Variants in MILR1 observed in about 807,000 individuals in gnomAD.
The protein encoded by MILR1 is mast cell immunoglobulin like receptor 1.
In MILR1, 31 loss-of-function variants were observed where a neutral mutation model predicts 18.5. The ratio of observed to expected loss-of-function variants is 1.68; its 90% CI spans 1.26 to 2.26. The LOEUF (loss-of-function observed/expected upper bound fraction) is 2.26, where lower values mean the gene tolerates loss of function less well. Among genes scored for constraint, MILR1 ranks in the 30% most tolerant of loss-of-function variants. The pLI is 0.00. For synonymous variants in MILR1, 85 were observed against 56.2 expected (o/e 1.51, Z -2.30); for missense variants, 257 against 157.4 (o/e 1.63, Z -3.38).
the MILR1 span, among the ~76,000 whole-genome samples, chr17:64,497,351 T>C: frequency 2.6e-5 from 4 of 152,276 alleles, no homozygotes; most frequent in African/African-American, 9.6e-5. Context: ...TTCAGTATTA[T>C]CCAAATCACC....
the MILR1 span, among the ~76,000 whole-genome samples, chr17:64,478,435 G>A: frequency 2.0e-5 from 3 of 152,118 alleles, no homozygotes; most frequent in Non-Finnish European, 4.4e-5. Flanking sequence ...CTAGCTTATA[G>A]CTTCTAGTTC....
chr17:64,496,411 A>T, the MILR1 span: 1 of 1,570,134 alleles, frequency 6.4e-7, no homozygotes, highest in East Asian at 2.3e-5. Context: ...GCATACCGTG[A>T]AGAAGGTTCT....
intron 4 of MILR1, among the ~76,000 whole-genome samples, 187 bp from the exon 5 acceptor site, chr17:64,460,635 C>G (rs2037410257): frequency 6.6e-6 from 1 of 152,146 alleles, no homozygotes; most frequent in African/African-American, 2.4e-5. Flanking sequence ...TGTGAGCCAC[C>G]ACGCCCAGTC....
chr17:64,483,138 A>G, the MILR1 span: 2 of 572,652 alleles, frequency 3.5e-6, no homozygotes, highest in Admixed American at 3.1e-5. Flanking sequence ...GTGAAAACAG[A>G]AGTTAGCTGA....
chr17:64,487,798 T>A, the MILR1 span, among the ~76,000 whole-genome samples: 1 of 152,080 alleles, frequency 6.6e-6, no homozygotes, highest in African/African-American at 2.4e-5. Context: ...GCCCAGGAGT[T>A]TGAGACTAGC....
chr17:64,482,274 T>G, the MILR1 span, among the ~76,000 whole-genome samples: 3 of 151,882 alleles, frequency 2.0e-5, no homozygotes, highest in Admixed American at 6.6e-5. Flanking sequence ...CGGCTAATTT[T>G]TGTATTTTCA....
At chr17:64,451,834 A>G (rs2037177245) in intron 2 of MILR1, among the ~76,000 whole-genome samples, 1 of 151,868 alleles carries the variant, frequency 6.6e-6, no homozygotes. Flanking sequence ...CAGGAGGCTG[A>G]GGCAGGAGGA....
chr17:64,483,439 G>A, the MILR1 span, among the ~76,000 whole-genome samples: 1 of 151,754 alleles, frequency 6.6e-6, no homozygotes, highest in Admixed American at 6.6e-5. Flanking sequence ...TGCTTGACCC[G>A]GGAGGTCAAG....
rs1158877915 is a variant in MILR1 at position 64,464,191 on chromosome 17, A to G, written c.764-1261A>G. The stretch of plus-strand genomic sequence containing the variant: ...AAGGCTGGAGTGCGGTGGTGCAATC[A>G]TGGCTCACTGCAGCCTTGACCTCCC... On this transcript the variant is annotated intron_variant, in intron 5 of 9. Coordinates refer to ENST00000619286, the MANE Select transcript of MILR1 (RefSeq NM_001085423.2). Among the ~76,000 whole-genome samples, 17 of 139,328 alleles carry G rather than the reference A, an allele frequency of 1.2e-4. No homozygotes were observed. In the South Asian group the frequency reaches 3.8e-3, roughly 31 times the overall value. The allele number at this position is 139,328 out of a possible 152,430, so 91.4% of individuals were successfully genotyped here.
the MILR1 span, among the ~76,000 whole-genome samples, chr17:64,476,406 G>T: frequency 6.6e-6 from 1 of 152,164 alleles, no homozygotes; most frequent in Non-Finnish European, 1.5e-5. Context: ...GAGGCCAGGT[G>T]AGGTGGTTCA....
intron 3 of MILR1, among the ~76,000 whole-genome samples, chr17:64,453,776 G>A (rs1445913799): frequency 6.6e-6 from 1 of 152,020 alleles, no homozygotes; most frequent in African/African-American, 2.4e-5. Flanking sequence ...CCTGTGGGAG[G>A]AGAGAAGGCT....
chr17:64,492,874 G>A, the MILR1 span: 1 of 1,613,666 alleles, frequency 6.2e-7, no homozygotes, highest in Non-Finnish European at 8.5e-7. Context: ...ACAAGGCCAA[G>A]TTATTTGCCA....
At chr17:64,482,602 G>A in the MILR1 span, among the ~76,000 whole-genome samples, 2 of 152,300 alleles carry the variant, frequency 1.3e-5, no homozygotes, top group East Asian at 1.9e-4. Flanking sequence ...ACAGGCGTGA[G>A]CCACCACGCC....
chr17:64,460,943 T>C lies in MILR1; in HGVS notation c.763+11T>C. Reference sequence around the variant, plus strand: ...CCAAATACAAAACAAGTAAGTTCTTTTAGTCGCTTTACCACCCGTTTTCCC... The same window carrying C: ...CCAAATACAAAACAAGTAAGTTCTTCTAGTCGCTTTACCACCCGTTTTCCC... On this transcript the variant is annotated intron_variant, in intron 5 of 9. Coordinates refer to ENST00000619286, the MANE Select transcript of MILR1 (RefSeq NM_001085423.2). 2.1e-6 allele frequency: 1 copy of C among 473,856 alleles called. No individual in the cohort carries two copies. Among genetic ancestry groups the C allele is most frequent in the Non-Finnish European group, 3.9e-6 (1 of 258,072 alleles). The allele number at this position is 473,856 out of a possible 1,614,324, so 29.4% of individuals were successfully genotyped here.
chr17:64,459,640 G>A (rs997885385), intron 4 of MILR1, among the ~76,000 whole-genome samples: 22 of 152,278 alleles, frequency 1.4e-4, no homozygotes, highest in African/African-American at 4.8e-4. Context: ...TTCACTGGCT[G>A]TGTGACCTTA....
the MILR1 span, among the ~76,000 whole-genome samples, chr17:64,482,338 T>C: frequency 2.0e-5 from 3 of 147,822 alleles, no homozygotes; most frequent in South Asian, 4.3e-4. Flanking sequence ...TTTTTTTTTT[T>C]TTTTTGAGAC....
the MILR1 span, chr17:64,481,202 T>G: frequency 1.2e-6 from 1 of 839,160 alleles, no homozygotes; most frequent in Non-Finnish European, 1.4e-6. Flanking sequence ...TACAGCATCC[T>G]AGGAGCTTCC....
the MILR1 span, among the ~76,000 whole-genome samples, chr17:64,479,507 G>A: frequency 3.9e-5 from 6 of 152,038 alleles, no homozygotes; most frequent in Non-Finnish European, 7.4e-5. Context: ...TTTAACAAAT[G>A]TTCAGAGAAC....
the MILR1 span, chr17:64,478,065 C>T: frequency 6.8e-7 from 1 of 1,465,184 alleles, no homozygotes; most frequent in Non-Finnish European, 9.5e-7. Flanking sequence ...AGCTGTAATT[C>T]AGTGTTCATG....
Sources: allele counts gnomAD v4.1 joint callset (sites outside exome capture counted in the v4.1 genomes callset), GRCh38; gene constraint gnomAD v4.1.1; transcripts MANE v1.5; gene names NCBI Gene and HGNC (gene_info 2026-07-23, HGNC 2026-07-21).